Variants in ATAD2B observed in about 807,000 individuals in gnomAD.
ATAD2B encodes ATPase family AAA domain-containing protein 2B.
ATAD2B carries 40 observed loss-of-function variants against 167.6 expected under a neutral mutation model. The observed-to-expected ratio is 0.24, with a 90% CI of 0.19 to 0.31. The LOEUF (loss-of-function observed/expected upper bound fraction) is 0.31. Ranked by LOEUF, ATAD2B falls within the 10% of genes least tolerant of loss-of-function variation. The pLI, the probability that ATAD2B is intolerant of heterozygous loss-of-function variation, is 1.00. For missense variants in ATAD2B, 1,242 were observed against 1,757.2 expected, an observed-to-expected ratio of 0.71 and a Z score of 5.24; for synonymous variants, 579 against 596.5, an observed-to-expected ratio of 0.97 and a Z score of 0.43.
At chr2:23,785,962 A>G in intron 21 of ATAD2B, 65 bp downstream of exon 21, 1 of 1,388,888 alleles carries the variant, frequency 7.2e-7, no homozygotes, top group Non-Finnish European at 9.6e-7. Flanking sequence ...TTCCAAAAAA[A>G]GATGTCAATA....
intron 1 of ATAD2B, 95 bp from the exon 2 acceptor site, chr2:23,896,065 C>T (rs1435793867): frequency 2.8e-5 from 30 of 1,053,986 alleles, no homozygotes; most frequent in Middle Eastern, 3.3e-4. Context: ...TCCTGTAATC[C>T]CAGCACTTTG....
chr2:23,798,414 C>T (rs1255950027), intron 18 of ATAD2B, 91 bp from the exon 19 acceptor site: 7 of 1,004,860 alleles, frequency 7.0e-6, no homozygotes, highest in African/African-American at 1.6e-5. Context: ...ATATGTCAGG[C>T]CTATTATGGT....
At chr2:23,916,241 GTCAAA>G (rs1441176984) in intron 1 of ATAD2B, among the ~76,000 whole-genome samples, 2 of 152,120 alleles carry the variant, frequency 1.3e-5, no homozygotes, top group Non-Finnish European at 2.9e-5. Flanking sequence ...CTTGTCAAGG[GTCAAA>G]TTTATTCCAT....
chr2:23,818,262 ACGGAGGGAGG>A (rs1298178939), intron 17 of ATAD2B, among the ~76,000 whole-genome samples: 3 of 93,564 alleles, frequency 3.2e-5, no homozygotes, highest in Admixed American at 1.2e-4. Flanking sequence ...AGAGAGGGAG[ACGGAGGGAGG>A]GAGGGAAGAA....
the ATAD2B span, among the ~76,000 whole-genome samples, chr2:23,682,661 C>T: frequency 0.033 from 4,975 of 152,160 alleles, 102 homozygotes; most frequent in South Asian, 0.086. This position sits in a 1 kb window ranked among gnomAD's most constrained non-coding sequence, Gnocchi z 4.1. Context: ...CCTGCCCCCT[C>T]GTGCTCCTGC....
chr2:23,886,650 G>A (rs1462631624), intron 4 of ATAD2B, among the ~76,000 whole-genome samples: 1 of 152,174 alleles, frequency 6.6e-6, no homozygotes, highest in Non-Finnish European at 1.5e-5. Flanking sequence ...ATACATGCTA[G>A]GCCGGGAGCG....
In ATAD2B at chr2:23,867,421, C is replaced by T. The variant is rs143677578; in HGVS notation, c.1188+414G>A. Among the ~76,000 whole-genome samples, 220 of 152,288 alleles carry T rather than the reference C, an allele frequency of 1.4e-3. 2 individuals are homozygous for T. Among genetic ancestry groups the T allele is most frequent in the African/African-American group, 4.7e-3 (194 of 41,548 alleles). On this transcript the variant is annotated intron_variant, in intron 10 of 27. Transcript: ENST00000238789. Reference sequence around the variant, plus strand: ...TCTTCAAAGTTATCCTAGTTTCTACCATGACCACTACTCCAGATTACTAGA... The same window carrying T: ...TCTTCAAAGTTATCCTAGTTTCTACTATGACCACTACTCCAGATTACTAGA...
chr2:23,910,178 T>A, intron 1 of ATAD2B, among the ~76,000 whole-genome samples: 1 of 148,772 alleles, frequency 6.7e-6, no homozygotes. Context: ...ATACTCTTTT[T>A]TTTTTTTTTT....
In ATAD2B at chr2:23,819,808, C is replaced by T. The variant is rs750469208; in HGVS notation, c.2206G>A (p.Gly736Arg). 6.2e-7 allele frequency: 1 copy of T among 1,607,306 alleles called. No individual in the cohort carries two copies. The highest frequency in any genetic ancestry group is 8.5e-7 in the Non-Finnish European group (1 of 1,174,358). The change falls in exon 17 of 28, where the codon GGA becomes AGA. Residue 736 changes from glycine (G) to arginine (R), a missense_variant. Physicochemically the swap from Gly to Arg is moderately radical, Grantham distance 125. This residue lies in a region of ATAD2B where 145 missense variants were observed against 181.9 expected (regional missense o/e 0.80). Coordinates refer to ENST00000238789, the MANE Select transcript of ATAD2B (RefSeq NM_017552.4). ...GATGATGACTGTTTCTTTGGTGATC[C>T]TGAGTGACAATTGGTCTCAAAAATT... ...LSIFETNCHS[G>R]SPKKQSSSAA... is the part of the protein sequence containing the mutation.
chr2:23,908,632 A>G (rs1406458314), intron 1 of ATAD2B, among the ~76,000 whole-genome samples: 1 of 152,118 alleles, frequency 6.6e-6, no homozygotes, highest in African/African-American at 2.4e-5. Context: ...CCATCCCATT[A>G]CTGGGTATAT....
chr2:23,793,247 A>G (rs932480187), intron 19 of ATAD2B, among the ~76,000 whole-genome samples: 6 of 152,230 alleles, frequency 3.9e-5, no homozygotes, highest in Non-Finnish European at 7.3e-5. Flanking sequence ...TAGCTGAGGA[A>G]TATTTCTTTA....
chr2:23,825,023 A>G (rs558875007), intron 15 of ATAD2B, among the ~76,000 whole-genome samples: 2 of 151,926 alleles, frequency 1.3e-5, no homozygotes, highest in Non-Finnish European at 2.9e-5. Flanking sequence ...GGCTCACCGC[A>G]GCCTTGACTT....
the ATAD2B span, among the ~76,000 whole-genome samples, chr2:23,679,767 G>GGAGGGCA: frequency 1.3e-5 from 2 of 152,220 alleles, no homozygotes; most frequent in Non-Finnish European, 1.5e-5. Context: ...AGCCTCCGGA[G>GGAGGGCA]GAGGGCAGAG....
At chr2:23,790,054 T>C (rs918626918) in intron 19 of ATAD2B, among the ~76,000 whole-genome samples, 1 of 152,210 alleles carries the variant, frequency 6.6e-6, no homozygotes, top group Non-Finnish European at 1.5e-5. Flanking sequence ...TCCAGTGCTT[T>C]TGTAGACTAC....
chr2:23,713,087 T>C, the ATAD2B span, among the ~76,000 whole-genome samples: 4 of 152,362 alleles, frequency 2.6e-5, no homozygotes, highest in African/African-American at 4.8e-5. Context: ...AAGTATTAGG[T>C]TGGTGCACAA....
the ATAD2B span, among the ~76,000 whole-genome samples, chr2:23,727,608 C>T: frequency 6.6e-6 from 1 of 152,096 alleles, no homozygotes; most frequent in Non-Finnish European, 1.5e-5. Context: ...AAAAAACCTG[C>T]ACATGAATAT....
chr2:23,737,686 A>G, the ATAD2B span, among the ~76,000 whole-genome samples: 1 of 152,236 alleles, frequency 6.6e-6, no homozygotes, highest in African/African-American at 2.4e-5. Flanking sequence ...CAACGGAACA[A>G]AGCTGGACGC....
chr2:23,832,381 A>T (rs1354205363), intron 14 of ATAD2B: 1 of 314,936 alleles, frequency 3.2e-6, no homozygotes, highest in Non-Finnish European at 6.5e-6. Context: ...AAATGTTAGA[A>T]AGGGAAAGTT....
chr2:23,857,161 C>T lies in ATAD2B; in HGVS notation c.1568+254G>A, dbSNP rs574069773. On this transcript the variant is annotated intron_variant, in intron 13 of 27. Transcript: ENST00000238789. The stretch of plus-strand genomic sequence containing the variant: ...CTCTACTATTGTAGCACATAAGAAA[C>T]CACATGCAATGCTTAAGGAATGAAC... Among the ~76,000 whole-genome samples, 40 of 152,308 alleles carry T rather than the reference C, an allele frequency of 2.6e-4. 1 individual carries two copies. The highest frequency in any genetic ancestry group is 9.1e-4 in the African/African-American group (38 of 41,574).
Sources: gnomAD v4.1 joint callset for allele counts (sites outside exome capture counted in the v4.1 genomes callset) on GRCh38, gnomAD v4.1.1 for gene constraint, gnomAD v4.1.1 regional missense constraint, Gnocchi (gnomAD v3.1) non-coding constraint, MANE v1.5 for transcripts, NCBI Gene and HGNC (gene_info 2026-07-23, HGNC 2026-07-21) for gene names.